The following CSMD1 variants were observed in gnomAD, a reference collection of about 807,000 sequenced individuals.
CSMD1 encodes CUB and Sushi multiple domains 1, also known as CUB and sushi domain-containing protein 1.
Under a neutral mutation model 417.5 loss-of-function variants are expected in CSMD1, and 213 were observed. The observed-to-expected ratio is 0.51, with a 90% confidence interval of 0.46 to 0.57. CSMD1 has a LOEUF of 0.57. CSMD1 is among the 20% of genes least tolerant of loss of function. CSMD1 has a pLI of 0.00. For synonymous variants in CSMD1, 2,862 were observed against 1,736.8 expected, an observed-to-expected ratio of 1.65 and a Z score of -16.11; for missense variants, 6,923 against 4,529.7, an observed-to-expected ratio of 1.53 and a Z score of -15.17.
In CSMD1 at chr8:3,673,624, C is replaced by G. The variant is rs183022504; in HGVS notation, c.1009+34790G>C. Among the ~76,000 whole-genome samples the G allele has an allele frequency of 3.3e-5, 5 of 152,304 alleles. No homozygotes were observed. In the East Asian group the frequency reaches 7.7e-4, roughly 24 times the overall value. On this transcript the variant is annotated intron_variant, in intron 7 of 69. Transcript: ENST00000635120. Reference sequence around the variant, plus strand: ...AACTTGAATAACTCAGCCTGTTTGACCTAACGGGTGCGGGCAACTTATATA... The same window carrying G: ...AACTTGAATAACTCAGCCTGTTTGAGCTAACGGGTGCGGGCAACTTATATA...
At chr8:3,968,279 A>T (rs1025979102) in intron 5 of CSMD1, among the ~76,000 whole-genome samples, 1 of 152,046 alleles carries the variant, frequency 6.6e-6, no homozygotes, top group Admixed American at 6.5e-5. Flanking sequence ...AGGTAGTATG[A>T]GTATTGCCTG....
intron 1 of CSMD1, among the ~76,000 whole-genome samples, chr8:4,957,864 AG>A (rs1206145696): frequency 1.3e-5 from 2 of 152,198 alleles, no homozygotes; most frequent in African/African-American, 2.4e-5. Context: ...TCACTCTGCC[AG>A]CCCCTGCAAT....
intron 14 of CSMD1, 131 bp downstream of exon 14, chr8:3,407,768 G>T: frequency 1.2e-6 from 1 of 810,220 alleles, no homozygotes; most frequent in Non-Finnish European, 1.9e-6. Flanking sequence ...TTTTACTACT[G>T]TCATTTTCAT....
At chr8:3,528,235 G>C (rs4875730) in intron 10 of CSMD1, among the ~76,000 whole-genome samples, 13 of 152,116 alleles carry the variant, frequency 8.5e-5, no homozygotes, top group Admixed American at 6.5e-5. Context: ...TGAATTATGT[G>C]TTGTGGAAAG....
intron 5 of CSMD1, among the ~76,000 whole-genome samples, chr8:3,940,727 A>G (rs900601793): frequency 6.6e-6 from 1 of 151,862 alleles, no homozygotes; most frequent in African/African-American, 2.4e-5. Context: ...ACTAGCATTC[A>G]TTTTTAAAGT....
chr8:3,367,021 G>A lies in CSMD1; in HGVS notation c.3115+11C>T, dbSNP rs1056392231. ...GCCAGAGGAGAGAAACAGCAAACAA[G>A]ACCAACATACCTGAAAATGTGATAT... On this transcript the variant is annotated intron_variant, in intron 20 of 69. Coordinates refer to ENST00000635120, the MANE Select transcript of CSMD1 (RefSeq NM_033225.6). The A allele has an allele frequency of 1.9e-6, 3 of 1,604,162 alleles. No homozygotes were observed. Among genetic ancestry groups the A allele is most frequent in the African/African-American group, 1.3e-5 (1 of 74,808 alleles).
intron 1 of CSMD1, among the ~76,000 whole-genome samples, chr8:4,701,040 G>C (rs1807501846): frequency 6.6e-6 from 1 of 152,114 alleles, no homozygotes; most frequent in Non-Finnish European, 1.5e-5. Context: ...AGTGAACAAA[G>C]TATGAGTACA....
intron 26 of CSMD1, among the ~76,000 whole-genome samples, chr8:3,276,851 T>A (rs2099845): frequency 0.27 from 41,582 of 151,980 alleles, 5,882 homozygotes; most frequent in Non-Finnish European, 0.32. Context: ...TGTTGGATAT[T>A]GATTATATGT....
intron 1 of CSMD1, among the ~76,000 whole-genome samples, chr8:4,775,460 T>G (rs1796806465): frequency 6.6e-6 from 1 of 152,216 alleles, no homozygotes. Context: ...TGACTTCAAT[T>G]AGAAATTAAG....
At chr8:2,952,130 T>C (rs549243268) in intron 65 of CSMD1, among the ~76,000 whole-genome samples, 2 of 152,318 alleles carry the variant, frequency 1.3e-5, no homozygotes, top group South Asian at 4.1e-4. Flanking sequence ...TTGTAGTGTA[T>C]AAATTCACAT....
rs1413621443 is a variant in CSMD1 at position 3,772,448 on chromosome 8, CACATATATAT to C, written c.819-18416_819-18407del. On this transcript the variant is annotated intron_variant, in intron 5 of 69. Transcript: ENST00000635120. ...ACATATATACATACATTTATATATA[CACATATATAT>C]ACATATATACACATATATATACATA... Among the ~76,000 whole-genome samples the C allele has an allele frequency of 2.2e-4, 18 of 83,572 alleles. 5 individuals are homozygous for C. Among genetic ancestry groups the C allele is most frequent in the African/African-American group, 1.1e-3 (18 of 16,550 alleles). The allele number at this position is 83,572 out of a possible 152,430, so 54.8% of individuals were successfully genotyped here.
chr8:3,875,355 G>C (rs558788004), intron 5 of CSMD1, among the ~76,000 whole-genome samples: 1 of 152,198 alleles, frequency 6.6e-6, no homozygotes, highest in Non-Finnish European at 1.5e-5. Context: ...ATACTAAGAA[G>C]GACAGTGAGT....
intron 3 of CSMD1, among the ~76,000 whole-genome samples, chr8:4,128,723 G>A (rs1585376900): frequency 6.6e-6 from 1 of 151,966 alleles, no homozygotes; most frequent in Non-Finnish European, 1.5e-5. Flanking sequence ...CATCCTTGCT[G>A]GATACTTATA....
chr8:3,776,624 T>C (rs1450190175), intron 5 of CSMD1, among the ~76,000 whole-genome samples: 1 of 152,094 alleles, frequency 6.6e-6, no homozygotes, highest in Non-Finnish European at 1.5e-5. Context: ...GTAGACTCCA[T>C]ATCCAGCCAT....
chr8:3,770,581 G>A (rs1798513861), intron 5 of CSMD1, among the ~76,000 whole-genome samples: 1 of 152,014 alleles, frequency 6.6e-6, no homozygotes, highest in South Asian at 2.1e-4. Context: ...ACATTAAGAG[G>A]CCTGTCGCAC....
At chr8:3,777,057 C>G (rs1186792517) in intron 5 of CSMD1, among the ~76,000 whole-genome samples, 1 of 151,360 alleles carries the variant, frequency 6.6e-6, no homozygotes, top group Non-Finnish European at 1.5e-5. Flanking sequence ...CTGTCTATAT[C>G]TGTTTACATC....
intron 12 of CSMD1, among the ~76,000 whole-genome samples, chr8:3,446,332 G>A (rs1487648052): frequency 2.6e-5 from 4 of 152,200 alleles, no homozygotes; most frequent in Non-Finnish European, 4.4e-5. Context: ...CATCAGGCAA[G>A]TCACAAATTT....
intron 3 of CSMD1, among the ~76,000 whole-genome samples, chr8:4,172,149 A>G (rs1230479924): frequency 6.6e-6 from 1 of 152,206 alleles, no homozygotes; most frequent in African/African-American, 2.4e-5. Flanking sequence ...ATTTGAAAAG[A>G]TGGACCTAAG....
At position 4,224,532 on chromosome 8, in the gene CSMD1, C is replaced by T. The variant is rs112237912; in HGVS notation, c.416-192433G>A. Among the ~76,000 whole-genome samples, 474 of 152,248 alleles carry T rather than the reference C, an allele frequency of 3.1e-3. 4 individuals are homozygous for T. Among genetic ancestry groups the T allele is most frequent in the African/African-American group, 0.011 (447 of 41,564 alleles). On this transcript the variant is annotated intron_variant, in intron 3 of 69. Coordinates refer to ENST00000635120, the MANE Select transcript of CSMD1 (RefSeq NM_033225.6). ...AAATGCCCTCTTCGCCTAAGTTACC[C>T]GGCTAGGAACTCAAGGGAAGAGGAA...
Sources: allele counts gnomAD v4.1 joint callset (sites outside exome capture counted in the v4.1 genomes callset), GRCh38; gene constraint gnomAD v4.1.1; transcripts MANE v1.5; gene names NCBI Gene and HGNC (gene_info 2026-07-23, HGNC 2026-07-21).